The following RABGAP1L variants were observed in gnomAD, a reference collection of about 807,000 sequenced individuals.
RABGAP1L encodes the protein RAB GTPase activating protein 1 like, also known as rab GTPase-activating protein 1-like.
A neutral mutation model predicts 137.7 loss-of-function variants in RABGAP1L; 63 were observed. The ratio of observed to expected loss-of-function variants is 0.46; its 90% CI spans 0.37 to 0.56. The LOEUF is 0.56. Among genes scored for constraint, RABGAP1L ranks in the 20% least tolerant of loss-of-function variants. RABGAP1L has a pLI of 0.00. For missense variants in RABGAP1L, 1,095 were observed against 1,244.0 expected (o/e 0.88, Z 1.80); for synonymous variants, 431 against 433.7 (o/e 0.99, Z 0.08).
chr1:174,611,635 A>G (rs1450310195), intron 13 of RABGAP1L, among the ~76,000 whole-genome samples: 1 of 150,728 alleles, frequency 6.6e-6, no homozygotes, highest in Non-Finnish European at 1.5e-5. Context: ...GAATCTATAA[A>G]TTACCTTGGG....
chr1:174,383,283 G>T (rs1459443218), intron 12 of RABGAP1L, among the ~76,000 whole-genome samples: 1 of 148,094 alleles, frequency 6.8e-6, no homozygotes, highest in Non-Finnish European at 1.5e-5. Flanking sequence ...GCCTACAGAG[G>T]CAGGCAGGCC....
At chr1:174,956,320 T>TC (rs55694517) in intron 19 of RABGAP1L, among the ~76,000 whole-genome samples, 147,893 of 152,254 alleles carry the variant, frequency 0.97, 71,879 homozygotes, top group East Asian at 1. Flanking sequence ...TGTCTCAACC[T>TC]CCAAGTAGCT....
intron 18 of RABGAP1L, among the ~76,000 whole-genome samples, chr1:174,770,565 A>G (rs999382259): frequency 4.6e-5 from 7 of 152,234 alleles, no homozygotes; most frequent in Non-Finnish European, 7.3e-5. Flanking sequence ...AACTTAATGT[A>G]CCCTAAGAAA....
At position 174,700,734 on chromosome 1, in the gene RABGAP1L, G is replaced by T. The variant is rs79660957; in HGVS notation, c.2025+1084G>T. ...GGGCATTAAGGAGGAAAAAGACTATGTAGAAGAATCTGGTAAATATGGATA... is the reference window on the plus strand; with the variant it reads ...GGGCATTAAGGAGGAAAAAGACTATTTAGAAGAATCTGGTAAATATGGATA... On this transcript the variant is annotated intron_variant, in intron 16 of 25. Transcript: ENST00000681986. The T allele has an allele frequency of 9.9e-4, 178 of 179,206 alleles. 1 individual carries two copies. In the East Asian group the frequency reaches 0.022, roughly 22 times the overall value. 11.1% of individuals were successfully genotyped at this position (179,206 alleles called of 1,614,324 possible). A position where few individuals can be genotyped will look rare whatever the true frequency, so the allele number is the denominator to read the frequency against.
chr1:174,909,399 T>A (rs1384902925), intron 19 of RABGAP1L, among the ~76,000 whole-genome samples: 1 of 152,070 alleles, frequency 6.6e-6, no homozygotes, highest in Non-Finnish European at 1.5e-5. Flanking sequence ...CTGATTTTTT[T>A]AAATATTTGT....
chr1:174,513,904 T>C (rs115607993), intron 13 of RABGAP1L, among the ~76,000 whole-genome samples: 3,434 of 152,222 alleles, frequency 0.023, 69 homozygotes, highest in Non-Finnish European at 0.035. Flanking sequence ...GCACACTCCA[T>C]ATGAGAAATT....
At chr1:174,282,472 T>A (rs1239800244) in intron 10 of RABGAP1L, among the ~76,000 whole-genome samples, 1 of 152,184 alleles carries the variant, frequency 6.6e-6, no homozygotes. Flanking sequence ...CCACTTTTTG[T>A]TTGTCTTACT....
intron 17 of RABGAP1L, among the ~76,000 whole-genome samples, chr1:174,749,552 A>G (rs1259053065): frequency 6.6e-5 from 10 of 152,056 alleles, no homozygotes; most frequent in Non-Finnish European, 1.5e-4. Context: ...CAGGTTGGCA[A>G]AGATTTCCTG....
intron 19 of RABGAP1L, among the ~76,000 whole-genome samples, chr1:174,937,224 C>T (rs992173333): frequency 6.6e-6 from 1 of 151,572 alleles, no homozygotes; most frequent in African/African-American, 2.4e-5. Flanking sequence ...GGTGATCTAC[C>T]CGCTTCGGCC....
intron 15 of RABGAP1L, among the ~76,000 whole-genome samples, chr1:174,686,870 A>G (rs1040166410): frequency 6.6e-6 from 1 of 151,654 alleles, no homozygotes; most frequent in Middle Eastern, 3.4e-3. Context: ...CATGTTAGCC[A>G]GGCTGGTCTT....
chr1:174,992,663 A>C lies in RABGAP1L; in HGVS notation c.*2662A>C, dbSNP rs1004217195. ...GCAATAGTAAAGACTAGAAACAAAG[A>C]AAATTCAGAATTTGGTATGTGATAT... is the stretch of plus-strand genomic sequence containing the variant. On this transcript the variant is annotated 3_prime_UTR_variant, in exon 26 of 26. Transcript: ENST00000681986. The C allele has an allele frequency of 6.6e-6, 1 of 152,220 alleles. No homozygotes were observed. The highest frequency in any genetic ancestry group is 1.5e-5 in the Non-Finnish European group (1 of 68,038). 9.4% of individuals were successfully genotyped at this position (152,220 alleles called of 1,614,324 possible).
At chr1:174,204,567 T>A (rs1479317354) in intron 1 of RABGAP1L, among the ~76,000 whole-genome samples, 1 of 152,202 alleles carries the variant, frequency 6.6e-6, no homozygotes, top group African/African-American at 2.4e-5. Context: ...GCTTATTATT[T>A]TATTCCTTCA....
At chr1:174,276,742 ATAT>A (rs1286239545) in intron 9 of RABGAP1L, among the ~76,000 whole-genome samples, 1 of 151,984 alleles carries the variant, frequency 6.6e-6, no homozygotes, top group African/African-American at 2.4e-5. Context: ...TTAACTTTTC[ATAT>A]TATTTATCAT....
At chr1:174,714,104 GTCT>G (rs1206391844) in intron 17 of RABGAP1L, among the ~76,000 whole-genome samples, 22 of 151,914 alleles carry the variant, frequency 1.4e-4, no homozygotes, top group Admixed American at 7.9e-4. Flanking sequence ...TGGAACACTG[GTCT>G]TCTTTTAGTT....
At chr1:174,729,956 A>G (rs944774540) in intron 17 of RABGAP1L, among the ~76,000 whole-genome samples, 25 of 152,240 alleles carry the variant, frequency 1.6e-4, no homozygotes, top group Non-Finnish European at 3.7e-4. Flanking sequence ...TGACCCAGCA[A>G]TCCCATTACT....
intron 13 of RABGAP1L, among the ~76,000 whole-genome samples, chr1:174,458,334 GAAA>G (rs955489591): frequency 1.3e-5 from 2 of 151,060 alleles, no homozygotes; most frequent in African/African-American, 2.4e-5. Flanking sequence ...AAAATTTACA[GAAA>G]AAAAATTTTT....
intron 13 of RABGAP1L, among the ~76,000 whole-genome samples, chr1:174,488,916 T>TC (rs1313838390): frequency 2.4e-5 from 1 of 42,308 alleles, no homozygotes; most frequent in Non-Finnish European, 4.3e-5. Context: ...CCCTCCCCCC[T>TC]CCCCCCACCC....
chr1:174,269,911 C>A (rs1270361301), intron 7 of RABGAP1L, among the ~76,000 whole-genome samples: 1 of 152,060 alleles, frequency 6.6e-6, no homozygotes, highest in East Asian at 1.9e-4. Context: ...CTTTGAACTC[C>A]CCAGTGAAAC....
intron 13 of RABGAP1L, among the ~76,000 whole-genome samples, chr1:174,632,199 T>C (rs1488931631): frequency 3.9e-4 from 52 of 133,938 alleles, no homozygotes; most frequent in Non-Finnish European, 5.7e-4. Context: ...AATTCTTTTC[T>C]TTAAGAATGT....
Sources: allele counts gnomAD v4.1 joint callset (sites outside exome capture counted in the v4.1 genomes callset), GRCh38; gene constraint gnomAD v4.1.1; transcripts MANE v1.5; gene names NCBI Gene and HGNC (gene_info 2026-07-23, HGNC 2026-07-21).